The following TTC34 variants were observed in gnomAD, a reference collection of about 807,000 sequenced individuals.
The protein encoded by TTC34 is tetratricopeptide repeat domain 34.
In TTC34, 44 loss-of-function variants were observed where a neutral mutation model predicts 40.7. The ratio of observed to expected loss-of-function variants is 1.08; its 90% CI spans 0.85 to 1.39. TTC34 has a LOEUF of 1.39. TTC34 is among the 40% of genes most tolerant of loss of function. TTC34 has a pLI of 0.00. For missense variants in TTC34, 884 were observed against 838.0 expected, an observed-to-expected ratio of 1.05 and a Z score of -0.68; for synonymous variants, 422 against 398.6, an observed-to-expected ratio of 1.06 and a Z score of -0.70.
At chr1:2,782,898 A>G (rs1643507764) in intron 6 of TTC34, among the ~76,000 whole-genome samples, 1 of 152,192 alleles carries the variant, frequency 6.6e-6, no homozygotes, top group Non-Finnish European at 1.5e-5. Context: ...ACACAGGTCC[A>G]GTGTGAGTCC....
intron 6 of TTC34, among the ~76,000 whole-genome samples, chr1:2,752,769 C>G: frequency 8.0e-6 from 1 of 124,664 alleles, no homozygotes; most frequent in Non-Finnish European, 1.7e-5. Flanking sequence ...GAACAGCACC[C>G]ATACGCCCAG....
chr1:2,683,859 G>C (rs1640195911), intron 6 of TTC34, among the ~76,000 whole-genome samples: 2 of 151,338 alleles, frequency 1.3e-5, no homozygotes, highest in African/African-American at 2.4e-5. Context: ...CGACAGCCTG[G>C]AGCAGAACCC....
intron 2 of TTC34, among the ~76,000 whole-genome samples, chr1:2,793,340 T>C (rs1411386844): frequency 6.6e-6 from 1 of 152,232 alleles, no homozygotes; most frequent in Non-Finnish European, 1.5e-5. Flanking sequence ...TATTGAATTT[T>C]TTTTCTTATT....
intron 6 of TTC34, among the ~76,000 whole-genome samples, chr1:2,697,538 A>C (rs1640922393): frequency 6.6e-6 from 1 of 152,294 alleles, no homozygotes; most frequent in East Asian, 1.9e-4. Context: ...CCAGGCGAGC[A>C]TCTGATGGCC....
chr1:2,792,770 T>C (rs924000676), intron 2 of TTC34, among the ~76,000 whole-genome samples: 2 of 152,220 alleles, frequency 1.3e-5, no homozygotes, highest in African/African-American at 4.8e-5. Context: ...TTCATCTAAC[T>C]TTCCATCCAT....
intron 6 of TTC34, among the ~76,000 whole-genome samples, chr1:2,753,082 ACGG>A (rs1641378930): frequency 1.2e-5 from 1 of 85,806 alleles, no homozygotes; most frequent in African/African-American, 5.4e-5. Context: ...ACAGCCTGGA[ACGG>A]CAACCACACC....
intron 6 of TTC34, among the ~76,000 whole-genome samples, chr1:2,752,658 G>A (rs1478955362): frequency 7.1e-6 from 1 of 141,152 alleles, no homozygotes; most frequent in Non-Finnish European, 1.5e-5. Context: ...CACACCCCCA[G>A]GCGAGCATCT....
intron 6 of TTC34, among the ~76,000 whole-genome samples, chr1:2,686,721 A>G (rs1640369788): frequency 6.9e-6 from 1 of 143,998 alleles, no homozygotes; most frequent in South Asian, 2.2e-4. Flanking sequence ...CAGCACACAC[A>G]CCCCCAGGCG....
At chr1:2,792,963 C>T (rs909262181) in intron 2 of TTC34, among the ~76,000 whole-genome samples, 7 of 152,222 alleles carry the variant, frequency 4.6e-5, no homozygotes, top group African/African-American at 1.7e-4. Context: ...GGTTACGAAT[C>T]CATGCCTTCA....
At chr1:2,799,602 G>A (rs1464868730) in intron 2 of TTC34, among the ~76,000 whole-genome samples, 1 of 152,018 alleles carries the variant, frequency 6.6e-6, no homozygotes, top group African/African-American at 2.4e-5. Flanking sequence ...CAGACTGAGG[G>A]TAACATCCAA....
At chr1:2,798,258 C>T (rs1436354616) in intron 2 of TTC34, among the ~76,000 whole-genome samples, 4 of 107,110 alleles carry the variant, frequency 3.7e-5, no homozygotes, top group African/African-American at 1.4e-4. Flanking sequence ...CCTCAGCTCC[C>T]CGGCCCCCCA....
intron 6 of TTC34, among the ~76,000 whole-genome samples, chr1:2,758,424 C>A (rs1641576683): frequency 3.6e-5 from 3 of 83,984 alleles, no homozygotes; most frequent in Admixed American, 1.0e-4. Context: ...CAGCCTGGAA[C>A]AGCTCCCTGC....
Position 2,641,478 on chromosome 1 carries a change from C to A in TTC34, c.3130G>T (p.Ala1044Ser), listed in dbSNP as rs1638901073. The A allele has an allele frequency of 6.5e-7, 1 of 1,535,728 alleles. No homozygotes were observed. Among genetic ancestry groups the A allele is most frequent in the African/African-American group, 1.4e-5 (1 of 73,136 alleles). The stretch of plus-strand genomic sequence containing the variant: ...AGGCCGCTCTCTACCGCCGTCCAGG[C>A]CTCTGCGTGACGCTGCTCCTCCAGG... Residue 1044 changes from alanine to serine, a missense_variant, in exon 9 of 9, where the codon GCC (alanine) becomes TCC (serine). Ala to Ser is a moderately conservative substitution (Grantham distance 99, BLOSUM62 1). Transcript: ENST00000401095.
At chr1:2,656,360 G>A (rs1390154623) in intron 6 of TTC34, among the ~76,000 whole-genome samples, 3 of 144,904 alleles carry the variant, frequency 2.1e-5, no homozygotes, top group African/African-American at 5.2e-5. Flanking sequence ...CTGACAGCCT[G>A]GAACAGCACC....
chr1:2,654,140 G>C (rs1403232732), intron 6 of TTC34, among the ~76,000 whole-genome samples: 2 of 151,034 alleles, frequency 1.3e-5, no homozygotes, highest in Admixed American at 6.6e-5. Context: ...CCCCAGGCGA[G>C]CATCTGAACG....
intron 6 of TTC34, among the ~76,000 whole-genome samples, chr1:2,656,244 C>G (rs1639339608): frequency 1.3e-5 from 2 of 151,840 alleles, no homozygotes; most frequent in African/African-American, 4.8e-5. Flanking sequence ...CAGCCTGGAA[C>G]AGCACACACA....
intron 6 of TTC34, among the ~76,000 whole-genome samples, chr1:2,682,939 C>A (rs200265467): frequency 1.3e-5 from 2 of 152,348 alleles, no homozygotes; most frequent in Non-Finnish European, 2.9e-5. Flanking sequence ...CAGCCTGGAA[C>A]AGCACCCACA....
intron 6 of TTC34, among the ~76,000 whole-genome samples, chr1:2,759,606 C>A (rs1641624563): frequency 6.6e-6 from 1 of 151,688 alleles, no homozygotes. Flanking sequence ...CACCGCCAGG[C>A]GAGCATCCGC....
chr1:2,800,358 C>A (rs1240694589), exon 2 of TTC34: 1 of 398,388 alleles, frequency 2.5e-6, no homozygotes, highest in Non-Finnish European at 4.4e-6. Flanking sequence ...GGCGGCCACA[C>A]CATCCGCTGC....
Sources: allele counts gnomAD v4.1 joint callset (sites outside exome capture counted in the v4.1 genomes callset), GRCh38; gene constraint gnomAD v4.1.1; transcripts MANE v1.5; gene names NCBI Gene and HGNC (gene_info 2026-07-23, HGNC 2026-07-21).